Variants in PCDHGB2 observed in about 807,000 individuals in gnomAD.
The protein encoded by PCDHGB2 is protocadherin gamma subfamily B, 2, also known as protocadherin gamma-B2.
PCDHGB2 carries 55 observed loss-of-function variants against 59.3 expected under a neutral mutation model. The observed-to-expected ratio is 0.93, with a 90% CI of 0.75 to 1.16. The LOEUF (loss-of-function observed/expected upper bound fraction) is 1.16, where lower values mean the gene tolerates loss of function less well. Among genes scored for constraint, PCDHGB2 ranks in the 50% most tolerant of loss-of-function variants. The pLI is 0.00. For synonymous variants in PCDHGB2, 516 were observed against 512.0 expected (o/e 1.01, Z -0.11); for missense variants, 1,228 against 1,198.5 (o/e 1.02, Z -0.36).
Position 141,511,065 on chromosome 5 carries a change from C to T in PCDHGB2, c.2688C>T (p.Ile896=). Residue 896 remains isoleucine, a synonymous_variant, in exon 4 of 4, where the codon ATC becomes ATT. Transcript: ENST00000522605. ...HVPDYRQNVY[I]PGSNATLTNA... ...CCGACTACCGCCAGAATGTCTACATCCCAGGCAGCAATGCCACACTGACCA... is the reference window on the plus strand; with the variant it reads ...CCGACTACCGCCAGAATGTCTACATTCCAGGCAGCAATGCCACACTGACCA... The T allele has an allele frequency of 6.2e-7, 1 of 1,614,222 alleles. No individual in the cohort carries two copies. Among genetic ancestry groups the T allele is most frequent in the Middle Eastern group, 1.6e-4 (1 of 6,062 alleles).
At chr5:141,383,248 T>A in intron 1 of PCDHGB2, 1 of 1,613,948 alleles carries the variant, frequency 6.2e-7, no homozygotes. Context: ...AATGAATCTT[T>A]ACCCTATAGA....
In PCDHGB2 at chr5:141,490,507, G is replaced by C; in HGVS notation, c.2422-4300G>C. 1 of 1,614,016 alleles carries C rather than the reference G, an allele frequency of 6.2e-7. No individual in the cohort carries two copies. Among genetic ancestry groups the C allele is most frequent in the Non-Finnish European group, 8.5e-7 (1 of 1,180,002 alleles). On this transcript the variant is annotated intron_variant, in intron 1 of 3. Transcript: ENST00000522605. The surrounding 1 kb of genome is among the most constrained non-coding windows in gnomAD (Gnocchi z 5.4). ...GGAGGCCACATCCCACTATATCATCGAGCTGCTGGCCAGCGATGCTGGTTC... is the reference window on the plus strand; with the variant it reads ...GGAGGCCACATCCCACTATATCATCCAGCTGCTGGCCAGCGATGCTGGTTC...
At chr5:141,457,094 C>T (rs2098908295) in intron 1 of PCDHGB2, among the ~76,000 whole-genome samples, 1 of 152,154 alleles carries the variant, frequency 6.6e-6, no homozygotes, top group Non-Finnish European at 1.5e-5. Context: ...TATAAGGATA[C>T]TAATTAAGCA....
At chr5:141,447,824 G>A (rs926580893) in intron 1 of PCDHGB2, among the ~76,000 whole-genome samples, 7 of 152,034 alleles carry the variant, frequency 4.6e-5, no homozygotes, top group Admixed American at 1.3e-4. Flanking sequence ...GGTGGCTCAC[G>A]CCTGTAATCC....
chr5:141,444,240 C>A (rs1017550385), intron 1 of PCDHGB2, among the ~76,000 whole-genome samples: 1 of 128,688 alleles, frequency 7.8e-6, no homozygotes, highest in Admixed American at 9.7e-5. Flanking sequence ...GGCATGCTCT[C>A]GGCTCACTGC....
In PCDHGB2 at chr5:141,370,028, G is replaced by A. The variant is rs549001136; in HGVS notation, c.2421+7472G>A. 2.6e-4 allele frequency among the ~76,000 whole-genome samples: 39 copies of A among 152,344 alleles called. No homozygotes were observed. In the South Asian group the frequency reaches 7.9e-3, roughly 31 times the overall value. On this transcript the variant is annotated intron_variant, in intron 1 of 3. Transcript: ENST00000522605. Reference sequence around the variant, plus strand: ...AAAGAAATAACAGACTAAAGATATAGTAAGTATATTTAATGTTTTTTAAAA... The same window carrying A: ...AAAGAAATAACAGACTAAAGATATAATAAGTATATTTAATGTTTTTTAAAA...
chr5:141,418,781 G>C, intron 1 of PCDHGB2: 1 of 1,613,716 alleles, frequency 6.2e-7, no homozygotes, highest in African/African-American at 1.3e-5. Context: ...GCAGCCTTTG[G>C]ATTTTGAAGA....
In PCDHGB2 at chr5:141,385,322, A is replaced by C. The variant is rs1781120693; in HGVS notation, c.2421+22766A>C. On this transcript the variant is annotated intron_variant, in intron 1 of 3. Coordinates refer to ENST00000522605, the MANE Select transcript of PCDHGB2 (RefSeq NM_018923.3). ...TGTAAAGAAAACCTGCCAAGTATTC[A>C]GGTGAGCCCAGCCCTTCCTTTATTT... is the stretch of plus-strand genomic sequence containing the variant. The C allele has an allele frequency of 1.9e-6, 3 of 1,606,974 alleles. No homozygotes were observed. In the East Asian group the frequency reaches 6.7e-5, roughly 36 times the overall value.
At chr5:141,468,737 G>A (rs1288031024) in intron 1 of PCDHGB2, among the ~76,000 whole-genome samples, 1 of 151,948 alleles carries the variant, frequency 6.6e-6, no homozygotes, top group African/African-American at 2.4e-5. Context: ...GTGGTGGCGG[G>A]TGCCTGTAGT....
At chr5:141,407,534 A>T (rs72790039) in intron 1 of PCDHGB2, among the ~76,000 whole-genome samples, 1 of 149,478 alleles carries the variant, frequency 6.7e-6, no homozygotes, top group Non-Finnish European at 1.5e-5. Flanking sequence ...CTTATTGTGC[A>T]TTGGTAACAG....
intron 1 of PCDHGB2, chr5:141,419,543 G>A (rs573594140): frequency 2.5e-5 from 40 of 1,612,106 alleles, no homozygotes; most frequent in African/African-American, 2.0e-4. Context: ...CGCACCGCGG[G>A]TGCTGTACCC....
At chr5:141,366,306 C>T (rs762823069) in intron 1 of PCDHGB2, 63 of 1,613,658 alleles carry the variant, frequency 3.9e-5, no homozygotes, top group Non-Finnish European at 4.7e-5. Context: ...GCCACCTTCA[C>T]GGTCACCGTT....
chr5:141,429,858 A>T (rs1183727412), intron 1 of PCDHGB2, among the ~76,000 whole-genome samples: 1 of 152,192 alleles, frequency 6.6e-6, no homozygotes, highest in East Asian at 1.9e-4. Context: ...CATTCTTTGG[A>T]CTACCAATTT....
chr5:141,361,552 C>T lies in PCDHGB2; in HGVS notation c.1417C>T (p.Gln473Ter). 1 of 1,614,060 alleles carries T rather than the reference C, an allele frequency of 6.2e-7. No homozygotes were observed. The highest frequency in any genetic ancestry group is 8.5e-7 in the Non-Finnish European group (1 of 1,179,900). The change falls in exon 1 of 4, where the codon CAA (glutamine) becomes TAA (stop). Residue 473 changes from glutamine (Q) to a stop codon, truncating the protein, a stop_gained. Coordinates refer to ENST00000522605, the MANE Select transcript of PCDHGB2 (RefSeq NM_018923.3). LOFTEE classifies it high-confidence loss of function. ...CAATCCTCCTGGCGCCTCTATCGCT[C>T]AAATCAGTGCCTCTGACCCTGACTT... ...ENNPPGASIA[Q>*]ISASDPDLGP...
chr5:141,490,985 C>T lies in PCDHGB2; in HGVS notation c.2422-3822C>T. On this transcript the variant is annotated intron_variant, in intron 1 of 3. Transcript: ENST00000522605. This position sits in a 1 kb window ranked among gnomAD's most constrained non-coding sequence, Gnocchi z 5.4. ...TCAGCCCCCCAGCGTCTCCCTCGCT[C>T]TGCTCCTCCTGGCTCCTTGGTCACC... The T allele has an allele frequency of 1.9e-6, 3 of 1,614,128 alleles. No individual in the cohort carries two copies. The highest frequency in any genetic ancestry group is 2.5e-6 in the Non-Finnish European group (3 of 1,180,032).
intron 1 of PCDHGB2, among the ~76,000 whole-genome samples, chr5:141,373,593 T>G (rs1769715791): frequency 6.6e-6 from 1 of 152,258 alleles, no homozygotes; most frequent in African/African-American, 2.4e-5. Flanking sequence ...TGAAATGTGA[T>G]GATAATTCAA....
intron 1 of PCDHGB2, chr5:141,389,993 G>T: frequency 6.2e-7 from 1 of 1,614,016 alleles, no homozygotes; most frequent in Non-Finnish European, 8.5e-7. Flanking sequence ...TCTTCCTCGT[G>T]GCCATGATTC....
chr5:141,432,823 C>A lies in PCDHGB2; in HGVS notation c.2422-61984C>A. 1 of 1,614,184 alleles carries A rather than the reference C, an allele frequency of 6.2e-7. No homozygotes were observed. Among genetic ancestry groups the A allele is most frequent in the Non-Finnish European group, 8.5e-7 (1 of 1,180,004 alleles). On this transcript the variant is annotated intron_variant, in intron 1 of 3. Transcript: ENST00000522605. The surrounding 1 kb of genome is among the most constrained non-coding windows in gnomAD (Gnocchi z 6.0). ...CTCCAGCTAACTCTGAAACCTCAGA[C>A]CTCACTCTGTACCTGGTGGTAGCGG...
At chr5:141,506,636 C>T (rs1421676205) in intron 3 of PCDHGB2, among the ~76,000 whole-genome samples, 2 of 152,020 alleles carry the variant, frequency 1.3e-5, no homozygotes, top group South Asian at 2.1e-4. Context: ...AATGCAAGTC[C>T]CTCAGCACAG....
Sources: allele counts gnomAD v4.1 joint callset (sites outside exome capture counted in the v4.1 genomes callset), GRCh38; gene constraint gnomAD v4.1.1; non-coding constraint Gnocchi (gnomAD v3.1); transcripts MANE v1.5; gene names NCBI Gene and HGNC (gene_info 2026-07-23, HGNC 2026-07-21).